CLSTN2: variants seen among roughly 807,000 people sequenced by gnomAD.
CLSTN2 encodes calsyntenin 2, also known as calsyntenin-2.
In CLSTN2, 48 loss-of-function variants were observed where a neutral mutation model predicts 101.2. That is an observed-to-expected ratio of 0.47 (90% CI 0.38 to 0.60). The LOEUF is 0.60. CLSTN2 is among the 20% of genes least tolerant of loss of function. The pLI, the probability that CLSTN2 is intolerant of heterozygous loss-of-function variation, is 0.00. For missense variants in CLSTN2, 1,160 were observed against 1,238.2 expected (o/e 0.94, Z 0.95); for synonymous variants, 481 against 463.6 (o/e 1.04, Z -0.48).
At chr3:140,203,225 G>T (rs978586286) in intron 2 of CLSTN2, among the ~76,000 whole-genome samples, 14 of 152,200 alleles carry the variant, frequency 9.2e-5, no homozygotes, top group African/African-American at 3.1e-4. Flanking sequence ...GTAAGATTAG[G>T]ACTGAGAAAG....
At chr3:140,055,552 C>T (rs1265906003) in intron 1 of CLSTN2, among the ~76,000 whole-genome samples, 1 of 152,186 alleles carries the variant, frequency 6.6e-6, no homozygotes, top group Non-Finnish European at 1.5e-5. Context: ...ACCTTGGTTT[C>T]TGTACATGCA....
Position 140,162,870 on chromosome 3 carries a change from G to A in CLSTN2, c.110-13081G>A, listed in dbSNP as rs78692416. Among the ~76,000 whole-genome samples, 103 of 152,254 alleles carry A rather than the reference G, an allele frequency of 6.8e-4. No homozygotes were observed. In the East Asian group the frequency reaches 0.017, roughly 25 times the overall value. ...GAATCTAAGGCGTGAAATGGAATTCGCAGTAAAAATGTATCATGCATTTGC... is the reference window on the plus strand; with the variant it reads ...GAATCTAAGGCGTGAAATGGAATTCACAGTAAAAATGTATCATGCATTTGC... On this transcript the variant is annotated intron_variant, in intron 1 of 16. Coordinates refer to ENST00000458420, the MANE Select transcript of CLSTN2 (RefSeq NM_022131.3).
intron 1 of CLSTN2, among the ~76,000 whole-genome samples, chr3:139,972,047 T>C (rs182405858): frequency 1.3e-5 from 2 of 152,118 alleles, no homozygotes; most frequent in African/African-American, 4.8e-5. Flanking sequence ...GTGAACCACC[T>C]GAGGTCAGGA....
At chr3:140,119,151 A>C (rs758322237) in intron 1 of CLSTN2, among the ~76,000 whole-genome samples, 9 of 152,178 alleles carry the variant, frequency 5.9e-5, no homozygotes, top group Non-Finnish European at 1.2e-4. Flanking sequence ...GGTCATGATC[A>C]TGTTCCTTCC....
At chr3:140,327,169 G>C (rs755050862) in intron 2 of CLSTN2, among the ~76,000 whole-genome samples, 3 of 152,164 alleles carry the variant, frequency 2.0e-5, no homozygotes, top group Non-Finnish European at 4.4e-5. Flanking sequence ...TGCGCTGAAT[G>C]AGCCAGGGTT....
chr3:140,515,333 T>G (rs1374743697), intron 8 of CLSTN2, among the ~76,000 whole-genome samples: 2 of 152,130 alleles, frequency 1.3e-5, no homozygotes, highest in African/African-American at 4.8e-5. Flanking sequence ...ATTAGTCTTT[T>G]TATTGTTTTT....
At chr3:139,972,453 G>A (rs576111915) in intron 1 of CLSTN2, among the ~76,000 whole-genome samples, 1 of 152,282 alleles carries the variant, frequency 6.6e-6, no homozygotes, top group South Asian at 2.1e-4. Flanking sequence ...ATACTAAGCT[G>A]AGTGGAGAGG....
intron 2 of CLSTN2, among the ~76,000 whole-genome samples, chr3:140,217,743 A>C (rs1447464535): frequency 6.6e-6 from 1 of 152,214 alleles, no homozygotes. Flanking sequence ...CTTCTAGAGC[A>C]AAGGGGGACA....
intron 1 of CLSTN2, among the ~76,000 whole-genome samples, chr3:140,011,698 T>C (rs972313610): frequency 1.3e-5 from 2 of 152,170 alleles, no homozygotes. Flanking sequence ...AGCCTGGTTC[T>C]TCCTACATGC....
At chr3:140,282,459 A>G (rs940680001) in intron 2 of CLSTN2, among the ~76,000 whole-genome samples, 2 of 152,172 alleles carry the variant, frequency 1.3e-5, no homozygotes, top group Non-Finnish European at 2.9e-5. Context: ...TTACTGCTGC[A>G]TATAGAAGAA....
At position 140,403,787 on chromosome 3, in the gene CLSTN2, G is replaced by T. The variant is rs759011249; in HGVS notation, c.391G>T (p.Ala131Ser). 1 of 1,613,730 alleles carries T rather than the reference G, an allele frequency of 6.2e-7. No individual in the cohort carries two copies. Among genetic ancestry groups the T allele is most frequent in the Admixed American group, 1.7e-5 (1 of 59,956 alleles). ...CATCATCCAGGCCTATGACTGTGGT[G>T]CTGGGCCCCACGAGACAGCCTGGAA... Reference protein sequence around the residue: ...TFIIQAYDCGAGPHETAWKKS... With the variant: ...TFIIQAYDCGSGPHETAWKKS... The change falls in exon 3 of 17, where the codon GCT (alanine) becomes TCT (serine). Residue 131 changes from alanine to serine, a missense_variant. Transcript: ENST00000458420.
intron 2 of CLSTN2, among the ~76,000 whole-genome samples, chr3:140,244,752 TATTTGTGTTATACTGC>T (rs1338494474): frequency 1.3e-5 from 2 of 152,354 alleles, no homozygotes; most frequent in East Asian, 1.9e-4. Flanking sequence ...GTTAATACCC[TATTTGTGTTATACTGC>T]ATTTGTGTTA....
At chr3:140,476,516 C>T (rs1933986950) in intron 8 of CLSTN2, among the ~76,000 whole-genome samples, 2 of 152,272 alleles carry the variant, frequency 1.3e-5, no homozygotes, top group East Asian at 3.9e-4. Flanking sequence ...CCAGTCTTAA[C>T]TTGGGTGAAT....
At chr3:140,305,474 C>G (rs1479871) in intron 2 of CLSTN2, among the ~76,000 whole-genome samples, 58,860 of 151,890 alleles carry the variant, frequency 0.39, 12,252 homozygotes, top group Non-Finnish European at 0.47. Flanking sequence ...TCCTTCTTTT[C>G]CCTTTACATC....
At chr3:140,356,172 G>T (rs2087668495) in intron 2 of CLSTN2, among the ~76,000 whole-genome samples, 1 of 152,158 alleles carries the variant, frequency 6.6e-6, no homozygotes, top group Non-Finnish European at 1.5e-5. Context: ...CCAGCAGTTT[G>T]CAGAGCCTTG....
rs985060916 is a variant in CLSTN2, at chr3:140,564,107, G to A, written c.2629G>A (p.Asp877Asn). The A allele has an allele frequency of 3.1e-6, 5 of 1,614,138 alleles. No homozygotes were observed. Among genetic ancestry groups the A allele is most frequent in the Middle Eastern group, 3.3e-4 (2 of 6,062 alleles). Residue 877 changes from aspartate to asparagine, a missense_variant, in exon 16 of 17, where the codon GAC becomes AAC. Physicochemically the swap from Asp to Asn is conservative, Grantham distance 23. Transcript: ENST00000458420. ...EAAKESEMDW[D>N]DSALTITVNP... ...TGCCAAGGAATCTGAGATGGACTGGGACGATTCTGCGCTGACTATCACAGT... is the reference window on the plus strand; with the variant it reads ...TGCCAAGGAATCTGAGATGGACTGGAACGATTCTGCGCTGACTATCACAGT...
At chr3:140,125,623 G>A (rs568878988) in intron 1 of CLSTN2, among the ~76,000 whole-genome samples, 1 of 152,182 alleles carries the variant, frequency 6.6e-6, no homozygotes, top group South Asian at 2.1e-4. Context: ...ATCACATGGG[G>A]AGTGAGACAG....
At chr3:140,250,487 T>C (rs1351876061) in intron 2 of CLSTN2, among the ~76,000 whole-genome samples, 2 of 152,330 alleles carry the variant, frequency 1.3e-5, no homozygotes, top group Admixed American at 6.5e-5. Context: ...GAAGTTTTCA[T>C]AGGGAAAAAT....
intron 2 of CLSTN2, among the ~76,000 whole-genome samples, chr3:140,332,229 G>C (rs1187793626): frequency 1.3e-5 from 2 of 152,202 alleles, no homozygotes; most frequent in Non-Finnish European, 2.9e-5. Context: ...AACCAAGAGA[G>C]AACAGCAGGT....
Sources: gnomAD v4.1 joint callset for allele counts (sites outside exome capture counted in the v4.1 genomes callset) on GRCh38, gnomAD v4.1.1 for gene constraint, MANE v1.5 for transcripts, NCBI Gene and HGNC (gene_info 2026-07-23, HGNC 2026-07-21) for gene names.